The following RRM2B variants were observed in gnomAD, a reference collection of about 807,000 sequenced individuals.
The protein encoded by RRM2B is ribonucleoside-diphosphate reductase subunit M2 B.
Under a neutral mutation model 45.9 loss-of-function variants are expected in RRM2B, and 20 were observed. The observed-to-expected ratio is 0.44, with a 90% CI of 0.31 to 0.63. The LOEUF is 0.63. RRM2B is among the 30% of genes least tolerant of loss of function. The pLI is 0.09. For synonymous variants in RRM2B, 124 were observed against 132.3 expected (o/e 0.94, Z 0.43); for missense variants, 320 against 414.7 (o/e 0.77, Z 1.98).
intron 7 of RRM2B, among the ~76,000 whole-genome samples, chr8:102,213,178 C>T (rs1810664996): frequency 6.6e-6 from 1 of 151,568 alleles, no homozygotes. Context: ...CGTATGCTTT[C>T]TCAATAGAAA....
chr8:102,212,937 A>G (rs371060515), intron 7 of RRM2B, 48 bp from the exon 8 acceptor site: 58 of 936,966 alleles, frequency 6.2e-5, no homozygotes, highest in Non-Finnish European at 9.4e-5. Context: ...AACTATAAAT[A>G]TGTATTTTCC....
At chr8:102,236,883 T>C (rs11777942) in intron 1 of RRM2B, among the ~76,000 whole-genome samples, 8,690 of 152,232 alleles carry the variant, frequency 0.057, 279 homozygotes, top group Middle Eastern at 0.14. Context: ...GGTCAAGATT[T>C]CCCAGCAAGC....
intron 1 of RRM2B, among the ~76,000 whole-genome samples, chr8:102,233,162 ACTGT>A (rs1180176385): frequency 2.0e-5 from 3 of 152,068 alleles, no homozygotes; most frequent in African/African-American, 7.2e-5. Flanking sequence ...CCTATCCAAA[ACTGT>A]CTCTCTCTCT....
Position 102,216,559 on chromosome 8 carries a change from T to C in RRM2B, c.684+2255A>G, listed in dbSNP as rs543561370. The stretch of plus-strand genomic sequence containing the variant: ...AAAGGACCCAATCAGTCACTGTACA[T>C]TGGGAATAAACCAATGAACAAGCAA... On this transcript the variant is annotated intron_variant, in intron 6 of 8. Coordinates refer to ENST00000251810, the MANE Select transcript of RRM2B (RefSeq NM_015713.5). 5.9e-5 allele frequency among the ~76,000 whole-genome samples: 9 copies of C among 152,262 alleles called. No individual in the cohort carries two copies. In the East Asian group the frequency reaches 1.5e-3, roughly 26 times the overall value.
At chr8:102,226,345 A>T (rs1000634609) in intron 2 of RRM2B, among the ~76,000 whole-genome samples, 25 of 149,446 alleles carry the variant, frequency 1.7e-4, no homozygotes, top group African/African-American at 6.2e-4. Flanking sequence ...TATATATATA[A>T]CATCATGTCA....
chr8:102,207,657 A>G lies in RRM2B; in HGVS notation c.*476T>C, dbSNP rs1266812356. On this transcript the variant is annotated 3_prime_UTR_variant, in exon 9 of 9. Coordinates refer to ENST00000251810, the MANE Select transcript of RRM2B (RefSeq NM_015713.5). ...AATGAGAGTATTTTATTACAACATC[A>G]TTGCAATTAATATTATCAATGAATG... 4 of 153,996 alleles carry G rather than the reference A, an allele frequency of 2.6e-5. No homozygotes were observed. The highest frequency in any genetic ancestry group is 9.6e-5 in the African/African-American group (4 of 41,464). The allele number at this position is 153,996 out of a possible 1,614,324, so 9.5% of individuals were successfully genotyped here. A position where few individuals can be genotyped will look rare whatever the true frequency, so the allele number is the denominator to read the frequency against.
intron 2 of RRM2B, among the ~76,000 whole-genome samples, chr8:102,231,568 T>C (rs1182383758): frequency 1.3e-5 from 2 of 152,190 alleles, no homozygotes; most frequent in Non-Finnish European, 2.9e-5. Flanking sequence ...ACTAAAAGTC[T>C]GTTTAAAAAT....
chr8:102,218,951 G>A lies in RRM2B; in HGVS notation c.551-4C>T, dbSNP rs915473807. ...GCAAAGGCCACCACTCTTTCCCCTGGGAGACATAAAATCGTTTCAATTTTT... is the reference window on the plus strand; with the variant it reads ...GCAAAGGCCACCACTCTTTCCCCTGAGAGACATAAAATCGTTTCAATTTTT... On this transcript the variant is annotated splice_region_variant and splice_polypyrimidine_tract_variant and intron_variant, in intron 5 of 8. Transcript: ENST00000251810. 1.2e-6 allele frequency: 2 copies of A among 1,612,738 alleles called. No individual in the cohort carries two copies. The highest frequency in any genetic ancestry group is 2.7e-5 in the African/African-American group (2 of 74,802).
intron 2 of RRM2B, among the ~76,000 whole-genome samples, chr8:102,228,294 A>G (rs1810969441): frequency 6.6e-6 from 1 of 152,150 alleles, no homozygotes; most frequent in African/African-American, 2.4e-5. Context: ...AGACTCCAGG[A>G]GAAGATTATT....
intron 8 of RRM2B, 43 bp downstream of exon 8, chr8:102,212,733 T>G (rs29000277): frequency 2.0e-6 from 2 of 1,009,136 alleles, no homozygotes; most frequent in Non-Finnish European, 3.2e-6. Context: ...CTTGCTTTCC[T>G]ATAATATTTT....
chr8:102,221,247 A>C (rs1810830605), intron 5 of RRM2B, among the ~76,000 whole-genome samples: 1 of 152,194 alleles, frequency 6.6e-6, no homozygotes, highest in African/African-American at 2.4e-5. Flanking sequence ...AAATATTCTT[A>C]GTTTCTCTTT....
At chr8:102,227,878 C>T (rs984849097) in intron 2 of RRM2B, among the ~76,000 whole-genome samples, 15 of 152,056 alleles carry the variant, frequency 9.9e-5, no homozygotes, top group Non-Finnish European at 2.1e-4. Context: ...TTCATGAGGG[C>T]TCCACCCACA....
At chr8:102,214,383 C>T (rs1587170296) in intron 6 of RRM2B, 9 of 527,812 alleles carry the variant, frequency 1.7e-5, no homozygotes, top group Non-Finnish European at 3.1e-5. Context: ...CTTAGTTCAT[C>T]AACATTATAG....
chr8:102,238,393 T>A (rs1311933391), intron 1 of RRM2B: 1 of 479,868 alleles, frequency 2.1e-6, no homozygotes, highest in South Asian at 2.0e-5. Context: ...TGTGTCAATT[T>A]CCACACGCGT....
At chr8:102,222,239 C>A (rs559972084) in intron 5 of RRM2B, among the ~76,000 whole-genome samples, 1 of 152,184 alleles carries the variant, frequency 6.6e-6, no homozygotes, top group African/African-American at 2.4e-5. Flanking sequence ...CCACACCTGG[C>A]TAGTTTTTAA....
At position 102,217,597 on chromosome 8, in the gene RRM2B, T is replaced by C. The variant is rs1484473227; in HGVS notation, c.684+1217A>G. 2.6e-5 allele frequency among the ~76,000 whole-genome samples: 4 copies of C among 152,280 alleles called. No individual in the cohort carries two copies. In the East Asian group the frequency reaches 7.7e-4, roughly 29 times the overall value. On this transcript the variant is annotated intron_variant, in intron 6 of 8. Coordinates refer to ENST00000251810, the MANE Select transcript of RRM2B (RefSeq NM_015713.5). ...GCAATAAATGTTAACTGAATGGCTA[T>C]AATAGCCAAAACATTGAGAACAGAA... is the stretch of plus-strand genomic sequence containing the variant.
rs1810527506 is a variant in RRM2B, at chr8:102,205,450, C to A, written c.*2683G>T. On this transcript the variant is annotated 3_prime_UTR_variant, in exon 9 of 9. Transcript: ENST00000251810. ...ATTAATATCAAGACAAGGCTGGGGC[C>A]AGCTTAGTTGTAAGAAAAACTATTA... 1 of 152,046 alleles carries A rather than the reference C, an allele frequency of 6.6e-6. No individual in the cohort carries two copies. Among genetic ancestry groups the A allele is most frequent in the Non-Finnish European group, 1.5e-5 (1 of 67,966 alleles). 9.4% of individuals were successfully genotyped at this position (152,046 alleles called of 1,614,324 possible).
rs753141086 is a variant in RRM2B, at chr8:102,232,129, T to C, written c.204+20A>G. The stretch of plus-strand genomic sequence containing the variant: ...ACTGCACTATAGGATGTGAATGCTC[T>C]TGGAGGCAATGCCACGTACCTCTTC... On this transcript the variant is annotated intron_variant, in intron 2 of 8. Coordinates refer to ENST00000251810, the MANE Select transcript of RRM2B (RefSeq NM_015713.5). The C allele has an allele frequency of 1.2e-6, 2 of 1,612,272 alleles. No individual in the cohort carries two copies. Among genetic ancestry groups the C allele is most frequent in the Non-Finnish European group, 1.7e-6 (2 of 1,178,294 alleles).
At chr8:102,213,831 T>C (rs1810677279) in intron 7 of RRM2B, among the ~76,000 whole-genome samples, 1 of 152,206 alleles carries the variant, frequency 6.6e-6, no homozygotes, top group South Asian at 2.1e-4. Context: ...AAACAGGTTT[T>C]AGTATACATA....
Sources: gnomAD v4.1 joint callset for allele counts (sites outside exome capture counted in the v4.1 genomes callset) on GRCh38, gnomAD v4.1.1 for gene constraint, MANE v1.5 for transcripts, NCBI Gene and HGNC (gene_info 2026-07-23, HGNC 2026-07-21) for gene names.